Variants in RNF212B observed in about 807,000 individuals in gnomAD.
RNF212B encodes E3 ubiquitin-protein ligase RNF212B.
In RNF212B, 52 loss-of-function variants were observed where a neutral mutation model predicts 55.5. The ratio of observed to expected loss-of-function variants is 0.94; its 90% confidence interval spans 0.75 to 1.18. The LOEUF (loss-of-function observed/expected upper bound fraction) is 1.18. Among genes scored for constraint, RNF212B ranks in the 50% most tolerant of loss-of-function variants. RNF212B has a pLI of 0.00. For missense variants in RNF212B, 289 were observed against 350.4 expected, an observed-to-expected ratio of 0.82 and a Z score of 1.40; for synonymous variants, 99 against 121.4, an observed-to-expected ratio of 0.82 and a Z score of 1.21.
At chr14:23,187,033 C>G (rs1050402263) in intron 1 of RNF212B, among the ~76,000 whole-genome samples, 3 of 152,012 alleles carry the variant, frequency 2.0e-5, no homozygotes, top group Non-Finnish European at 4.4e-5. Context: ...TCACCTGGGC[C>G]CCCCCAACAT....
intron 2 of RNF212B, among the ~76,000 whole-genome samples, chr14:23,211,761 C>T (rs1304988931): frequency 6.6e-6 from 1 of 152,170 alleles, no homozygotes; most frequent in Non-Finnish European, 1.5e-5. Flanking sequence ...CTCCCACTGT[C>T]ACCCAAGCTG....
intron 1 of RNF212B, among the ~76,000 whole-genome samples, chr14:23,239,701 C>T (rs892304159): frequency 2.6e-4 from 39 of 152,098 alleles, no homozygotes; most frequent in African/African-American, 9.2e-4. Context: ...TCACTGCAAC[C>T]TCTGCCTCCT....
chr14:23,231,424 C>G (rs573336191), intron 2 of RNF212B, among the ~76,000 whole-genome samples: 1 of 152,142 alleles, frequency 6.6e-6, no homozygotes, highest in Middle Eastern at 3.4e-3. Flanking sequence ...CAAAACACAC[C>G]CACATATGCA....
intron 2 of RNF212B, among the ~76,000 whole-genome samples, chr14:23,225,966 A>T (rs993455636): frequency 1.2e-4 from 19 of 152,172 alleles, no homozygotes; most frequent in African/African-American, 4.6e-4. Flanking sequence ...AAGTATACAC[A>T]CCAAGTATGT....
chr14:23,229,244 A>T (rs1361410788), intron 2 of RNF212B, among the ~76,000 whole-genome samples: 67 of 113,720 alleles, frequency 5.9e-4, no homozygotes, highest in African/African-American at 2.0e-3. Flanking sequence ...ATATATATAT[A>T]TATATATATA....
At chr14:23,188,017 C>G (rs1467838191) in intron 1 of RNF212B, 3 of 152,142 alleles carry the variant, frequency 2.0e-5, no homozygotes, top group Non-Finnish European at 4.4e-5. Flanking sequence ...TGATTAAGCC[C>G]TTTTTAGTGT....
rs550432553 is a variant in RNF212B, at chr14:23,243,249, C to T, written c.101-7C>T. ...GAGCCAAATATTTTTTTCCCTTTTC[C>T]TCCCAGAAAAATGTGCTGTTTGTGG... On this transcript the variant is annotated splice_region_variant and splice_polypyrimidine_tract_variant and intron_variant, in intron 2 of 14. Coordinates refer to ENST00000430154, the MANE Select transcript of RNF212B (RefSeq NM_001282322.3). The T allele has an allele frequency of 9.8e-5, 151 of 1,548,174 alleles. No homozygotes were observed. In the East Asian group the frequency reaches 3.6e-3, roughly 37 times the overall value.
rs1241961780 is a variant in RNF212B at position 23,264,208 on chromosome 14, G to A, written c.559G>A (p.Glu187Lys). ...CTCAGCGGAATCTATTCCTTATAGA[G>A]AGGCTGGCTTTGGTAGCTTGGGACA... ...SSSAESIPYR[E>K]AGFGSLGQGG... The change falls in exon 10 of 15, where the codon GAG becomes AAG. Residue 187 changes from glutamate to lysine, a missense_variant. Coordinates refer to ENST00000430154, the MANE Select transcript of RNF212B (RefSeq NM_001282322.3). The A allele has an allele frequency of 2.6e-6, 4 of 1,550,098 alleles. No individual in the cohort carries two copies. In the Admixed American group the frequency reaches 7.8e-5, roughly 30 times the overall value.
At chr14:23,227,241 C>T (rs183292101) in intron 2 of RNF212B, among the ~76,000 whole-genome samples, 13 of 150,172 alleles carry the variant, frequency 8.7e-5, no homozygotes, top group Non-Finnish European at 1.6e-4. Context: ...TTTGGTAAAA[C>T]GGAGTAGAAA....
chr14:23,191,133 C>T (rs1461006821), intron 1 of RNF212B, among the ~76,000 whole-genome samples: 1 of 152,144 alleles, frequency 6.6e-6, no homozygotes, highest in Non-Finnish European at 1.5e-5. Context: ...GTGGGTGGAT[C>T]GCCTGAGGTC....
intron 1 of RNF212B, among the ~76,000 whole-genome samples, chr14:23,189,030 A>G (rs1223491295): frequency 2.0e-5 from 3 of 152,204 alleles, no homozygotes; most frequent in Non-Finnish European, 4.4e-5. Context: ...GAGAAGAAAA[A>G]GACAATCAAG....
chr14:23,228,810 A>G (rs959969282), intron 2 of RNF212B, among the ~76,000 whole-genome samples: 2 of 152,208 alleles, frequency 1.3e-5, no homozygotes, highest in African/African-American at 4.8e-5. Flanking sequence ...AGAATAGAGC[A>G]TGCAGAAATG....
chr14:23,264,768 TG>T, intron 11 of RNF212B, 97 bp downstream of exon 11: 1 of 692,126 alleles, frequency 1.4e-6, no homozygotes, highest in Non-Finnish European at 2.0e-6. Context: ...CCATTTCACT[TG>T]TTTTTTTTTC....
At position 23,221,987 on chromosome 14, in the gene RNF212B, A is replaced by G. The variant is rs114609236; in HGVS notation, c.-1-18358A>G. Among the ~76,000 whole-genome samples the G allele has an allele frequency of 8.7e-3, 1,321 of 152,296 alleles. 25 individuals are homozygous for G. Among genetic ancestry groups the G allele is most frequent in the African/African-American group, 0.03 (1,249 of 41,562 alleles). On this transcript the variant is annotated intron_variant, in intron 2 of 15. Coordinates refer to the RNF212B transcript ENST00000399910. ...CCAAAACCTATGGGATATAGTGAAA[A>G]CAGTATTAAGAGGGAAATGTATAGC...
At chr14:23,190,697 C>T (rs1221674509) in intron 1 of RNF212B, among the ~76,000 whole-genome samples, 1 of 152,196 alleles carries the variant, frequency 6.6e-6, no homozygotes, top group Admixed American at 6.5e-5. Context: ...TGTTCCCCTA[C>T]ACTTTATTCT....
chr14:23,186,020 A>C (rs1007791669), intron 1 of RNF212B, among the ~76,000 whole-genome samples: 7 of 152,150 alleles, frequency 4.6e-5, no homozygotes, highest in African/African-American at 1.4e-4. Context: ...GGATCGTGTG[A>C]GCCATGGAGG....
chr14:23,271,205 G>T (rs1187127287), intron 14 of RNF212B, among the ~76,000 whole-genome samples: 1 of 152,122 alleles, frequency 6.6e-6, no homozygotes, highest in East Asian at 1.9e-4. Flanking sequence ...TTGGGAGGCC[G>T]AGGCAGGTGG....
chr14:23,262,549 T>C, intron 7 of RNF212B, 116 bp from the exon 8 acceptor site: 1 of 880,464 alleles, frequency 1.1e-6, no homozygotes, highest in Non-Finnish European at 1.7e-6. Context: ...GAGTAAGCAA[T>C]TTGTCCTCAG....
At chr14:23,229,223 TATATA>T (rs1882319168) in intron 2 of RNF212B, among the ~76,000 whole-genome samples, 10 of 75,534 alleles carry the variant, frequency 1.3e-4, no homozygotes, top group African/African-American at 4.0e-4. Flanking sequence ...TAATATTTTA[TATATA>T]TATATATATA....
Sources: allele counts gnomAD v4.1 joint callset (sites outside exome capture counted in the v4.1 genomes callset), GRCh38; gene constraint gnomAD v4.1.1; transcripts MANE v1.5; gene names NCBI Gene and HGNC (gene_info 2026-07-23, HGNC 2026-07-21).